Variants in DNER observed in about 807,000 individuals in gnomAD.
DNER encodes delta and Notch-like epidermal growth factor-related receptor.
Under a neutral mutation model 78.2 loss-of-function variants are expected in DNER, and 33 were observed. That is an observed-to-expected ratio of 0.42 (90% CI 0.32 to 0.56). DNER has a LOEUF of 0.56. Among genes scored for constraint, DNER ranks in the 20% least tolerant of loss-of-function variants. The pLI is 0.11. For synonymous variants in DNER, 417 were observed against 384.8 expected (o/e 1.08, Z -0.98); for missense variants, 918 against 975.3 (o/e 0.94, Z 0.78).
At chr2:229,386,630 A>G (rs1425218283) in intron 11 of DNER, among the ~76,000 whole-genome samples, 2 of 152,064 alleles carry the variant, frequency 1.3e-5, no homozygotes, top group African/African-American at 4.8e-5. Flanking sequence ...TACAAGAAAA[A>G]AAAAACAAAC....
At chr2:229,694,451 G>A (rs1355289399) in intron 1 of DNER, among the ~76,000 whole-genome samples, 1 of 42,680 alleles carries the variant, frequency 2.3e-5, no homozygotes, top group Admixed American at 2.0e-4. Flanking sequence ...AAACCACAGA[G>A]ACTCAATGAC....
At chr2:229,627,046 T>C (rs921053665) in intron 1 of DNER, among the ~76,000 whole-genome samples, 2 of 152,238 alleles carry the variant, frequency 1.3e-5, no homozygotes, top group African/African-American at 4.8e-5. Flanking sequence ...TTCTTTTCAC[T>C]GAAGTGCATG....
At chr2:229,406,804 T>C (rs1455502551) in intron 10 of DNER, among the ~76,000 whole-genome samples, 1 of 137,542 alleles carries the variant, frequency 7.3e-6, no homozygotes, top group Non-Finnish European at 1.6e-5. Context: ...TCGCCTCCCA[T>C]CCCACTCTCC....
chr2:229,395,729 T>A (rs1693123181), intron 10 of DNER, among the ~76,000 whole-genome samples: 1 of 152,026 alleles, frequency 6.6e-6, no homozygotes, highest in Non-Finnish European at 1.5e-5. Context: ...TAAAACCCCA[T>A]CTCTACTAAA....
At chr2:229,653,728 T>G (rs1430921473) in intron 1 of DNER, among the ~76,000 whole-genome samples, 6 of 152,210 alleles carry the variant, frequency 3.9e-5, no homozygotes, top group Non-Finnish European at 7.3e-5. Context: ...TTTCCGTGAA[T>G]CCATCTCCTA....
chr2:229,669,581 T>C (rs1699172786), intron 1 of DNER, among the ~76,000 whole-genome samples: 1 of 152,144 alleles, frequency 6.6e-6, no homozygotes. Context: ...TTTCCTCTCT[T>C]ATTTCCTTGA....
chr2:229,700,459 C>T (rs1254871568), intron 1 of DNER, among the ~76,000 whole-genome samples: 1 of 151,738 alleles, frequency 6.6e-6, no homozygotes, highest in African/African-American at 2.4e-5. Context: ...CCTCAGCTTC[C>T]CAAGTAGCTG....
intron 10 of DNER, among the ~76,000 whole-genome samples, chr2:229,399,865 G>A (rs895467554): frequency 2.0e-5 from 3 of 151,812 alleles, no homozygotes; most frequent in Admixed American, 1.3e-4. Context: ...GAAGATTCAG[G>A]AAAGAATGCA....
intron 10 of DNER, among the ~76,000 whole-genome samples, chr2:229,394,577 G>A (rs1693091272): frequency 6.6e-6 from 1 of 152,148 alleles, no homozygotes; most frequent in African/African-American, 2.4e-5. Flanking sequence ...TATGTGGAGT[G>A]GTGTGGCTCA....
At chr2:229,444,519 CTATT>C (rs1239886107) in intron 8 of DNER, among the ~76,000 whole-genome samples, 1 of 152,204 alleles carries the variant, frequency 6.6e-6, no homozygotes, top group Non-Finnish European at 1.5e-5. Context: ...TTGAAAAACT[CTATT>C]TGGTATTATT....
chr2:229,483,985 CAAT>C (rs1695219756), intron 6 of DNER, among the ~76,000 whole-genome samples: 1 of 152,200 alleles, frequency 6.6e-6, no homozygotes. Context: ...TCATTACCTA[CAAT>C]GATTTTCTTT....
At chr2:229,677,657 A>C (rs1051398406) in intron 1 of DNER, among the ~76,000 whole-genome samples, 5 of 152,236 alleles carry the variant, frequency 3.3e-5, no homozygotes, top group Admixed American at 6.5e-5. Flanking sequence ...TGGTTGTAAT[A>C]TTCAAAGAAA....
intron 1 of DNER, among the ~76,000 whole-genome samples, chr2:229,672,121 A>G (rs1302098904): frequency 6.6e-6 from 1 of 152,166 alleles, no homozygotes; most frequent in Non-Finnish European, 1.5e-5. Flanking sequence ...TTTGCCCGTG[A>G]ATCTGTAATC....
At chr2:229,709,911 A>T (rs1699885452) in intron 1 of DNER, among the ~76,000 whole-genome samples, 1 of 152,138 alleles carries the variant, frequency 6.6e-6, no homozygotes, top group Non-Finnish European at 1.5e-5. Flanking sequence ...TTTCTGTATC[A>T]CTCACCACAA....
At chr2:229,612,109 T>A (rs964746108) in intron 1 of DNER, among the ~76,000 whole-genome samples, 4 of 152,182 alleles carry the variant, frequency 2.6e-5, no homozygotes, top group Non-Finnish European at 5.9e-5. Context: ...ACATAATACC[T>A]CTTAGTCCTT....
intron 1 of DNER, among the ~76,000 whole-genome samples, chr2:229,604,570 T>C (rs1697898056): frequency 6.6e-6 from 1 of 152,136 alleles, no homozygotes; most frequent in Non-Finnish European, 1.5e-5. Flanking sequence ...GGGGAGGCTT[T>C]GGGTTGATCC....
At chr2:229,620,992 T>C (rs1451153421) in intron 1 of DNER, among the ~76,000 whole-genome samples, 1 of 152,160 alleles carries the variant, frequency 6.6e-6, no homozygotes, top group East Asian at 1.9e-4. Context: ...GCTCCAGCAC[T>C]GTGAGAAAAT....
chr2:229,526,852 G>A (rs1342744898), intron 5 of DNER, among the ~76,000 whole-genome samples: 2 of 152,144 alleles, frequency 1.3e-5, no homozygotes, highest in African/African-American at 4.8e-5. Context: ...CAGCGCTGTA[G>A]GGTGTGGAAG....
intron 5 of DNER, among the ~76,000 whole-genome samples, chr2:229,523,196 C>T (rs1265919477): frequency 6.6e-6 from 1 of 152,194 alleles, no homozygotes; most frequent in Admixed American, 6.5e-5. Flanking sequence ...GGGCACAAAT[C>T]CTCTCTGCTG....
Sources: gnomAD v4.1 joint callset for allele counts (sites outside exome capture counted in the v4.1 genomes callset) on GRCh38, gnomAD v4.1.1 for gene constraint, MANE v1.5 for transcripts, NCBI Gene and HGNC (gene_info 2026-07-23, HGNC 2026-07-21) for gene names.